TEK: variants seen among roughly 807,000 people sequenced by gnomAD.
TEK encodes TEK receptor tyrosine kinase, also known as angiopoietin-1 receptor.
TEK carries 43 observed loss-of-function variants against 131.8 expected under a neutral mutation model. That is an observed-to-expected ratio of 0.33 (90% CI 0.26 to 0.42). TEK has a LOEUF of 0.42. Among genes scored for constraint, TEK ranks in the 10% least tolerant of loss-of-function variants. The probability of loss-of-function intolerance (pLI) is 1.00; values close to 1 mark genes in which losing one functional copy is unlikely to be tolerated. For missense variants in TEK, 1,162 were observed against 1,384.4 expected (o/e 0.84, Z 2.55); for synonymous variants, 580 against 491.6 (o/e 1.18, Z -2.38).
intron 8 of TEK, among the ~76,000 whole-genome samples, chr9:27,183,816 A>G (rs553367345): frequency 7.2e-5 from 11 of 152,154 alleles, no homozygotes; most frequent in Non-Finnish European, 1.5e-4. Context: ...ACTGCTCTGC[A>G]TGGTTGGGAA....
At chr9:27,225,634 C>A (rs978192629) in intron 21 of TEK, among the ~76,000 whole-genome samples, 1 of 152,164 alleles carries the variant, frequency 6.6e-6, no homozygotes, top group African/African-American at 2.4e-5. Flanking sequence ...CATAAAAACC[C>A]TAGAAGAAAA....
At chr9:27,148,115 G>A (rs1021383718) in intron 1 of TEK, among the ~76,000 whole-genome samples, 14 of 152,210 alleles carry the variant, frequency 9.2e-5, no homozygotes, top group Non-Finnish European at 1.8e-4. Flanking sequence ...ATTAGGGTTA[G>A]CTTTTATATA....
chr9:27,177,054 A>T (rs1018685588), intron 6 of TEK, among the ~76,000 whole-genome samples: 1 of 152,216 alleles, frequency 6.6e-6, no homozygotes, highest in African/African-American at 2.4e-5. Context: ...ATGCCATTAT[A>T]TATGTGTACA....
chr9:27,213,855 G>C (rs1259974691), intron 18 of TEK, among the ~76,000 whole-genome samples: 2 of 152,182 alleles, frequency 1.3e-5, no homozygotes, highest in African/African-American at 2.4e-5. Flanking sequence ...GTGGTTTGGG[G>C]TCTTGGTTCT....
At chr9:27,164,109 G>C (rs1031353988) in intron 2 of TEK, among the ~76,000 whole-genome samples, 1 of 152,124 alleles carries the variant, frequency 6.6e-6, no homozygotes, top group South Asian at 2.1e-4. Context: ...CATCCAGAGC[G>C]AGATTCCTTG....
At chr9:27,166,520 A>T (rs2131137221) in intron 2 of TEK, among the ~76,000 whole-genome samples, 1 of 152,324 alleles carries the variant, frequency 6.6e-6, no homozygotes, top group South Asian at 2.1e-4. Context: ...TGAACATGAC[A>T]CGTGAATAAA....
intron 1 of TEK, among the ~76,000 whole-genome samples, chr9:27,151,434 C>T (rs1216477772): frequency 1.3e-5 from 2 of 152,040 alleles, no homozygotes; most frequent in Non-Finnish European, 1.5e-5. Context: ...ACTAAAAACT[C>T]ATTTTTGAAA....
At chr9:27,203,173 G>T in intron 13 of TEK, 54 bp downstream of exon 13, 3 of 1,597,300 alleles carry the variant, frequency 1.9e-6, no homozygotes, top group Non-Finnish European at 2.6e-6. Context: ...CCTATAGGCA[G>T]CTGGTTTATC....
intron 12 of TEK, 126 bp downstream of exon 12, chr9:27,197,725 T>C (rs1825080456): frequency 3.4e-6 from 4 of 1,166,168 alleles, no homozygotes; most frequent in Non-Finnish European, 5.0e-6. Context: ...AGAAGGCTAA[T>C]TAGTGCCCCC....
chr9:27,129,084 C>T (rs150140264), intron 1 of TEK, among the ~76,000 whole-genome samples: 47 of 152,224 alleles, frequency 3.1e-4, no homozygotes, highest in African/African-American at 1.1e-3. Flanking sequence ...CCAGTTTTTG[C>T]CCCTTCATTA....
chr9:27,192,001 G>A (rs776400609), intron 10 of TEK: 10 of 451,916 alleles, frequency 2.2e-5, no homozygotes, highest in South Asian at 1.3e-4. Context: ...TTTGTTTATG[G>A]GTGCTATTTT....
chr9:27,182,750 T>C (rs1488162354), intron 7 of TEK, among the ~76,000 whole-genome samples: 1 of 152,230 alleles, frequency 6.6e-6, no homozygotes, highest in Non-Finnish European at 1.5e-5. Flanking sequence ...TTATTCATTC[T>C]CTACTGTGTA....
At chr9:27,135,731 C>G (rs1227045804) in intron 1 of TEK, among the ~76,000 whole-genome samples, 1 of 147,834 alleles carries the variant, frequency 6.8e-6, no homozygotes, top group Non-Finnish European at 1.5e-5. Context: ...TGGCTTGAAT[C>G]CCTGGACTCT....
intron 6 of TEK, among the ~76,000 whole-genome samples, chr9:27,179,950 CT>C (rs1824301002): frequency 6.6e-6 from 1 of 152,160 alleles, no homozygotes; most frequent in Non-Finnish European, 1.5e-5. Context: ...CCTCCAGAAT[CT>C]TCCAGGTCTT....
At chr9:27,199,214 A>G (rs1825133113) in intron 12 of TEK, among the ~76,000 whole-genome samples, 1 of 152,206 alleles carries the variant, frequency 6.6e-6, no homozygotes. Context: ...GCTTTGATGC[A>G]TGTAATTTTA....
chr9:27,203,020 C>T lies in TEK; in HGVS notation c.2110C>T (p.Pro704Ser), dbSNP rs749855784. 22 of 1,613,958 alleles carry T rather than the reference C, an allele frequency of 1.4e-5. No homozygotes were observed. In the South Asian group the frequency reaches 2.2e-4, roughly 16 times the overall value. Residue 704 changes from proline to serine, a missense_variant, in exon 13 of 23, where the codon CCT becomes TCT. Physicochemically the swap from Pro to Ser is moderately conservative, Grantham distance 74. This residue lies in a region of TEK where 477 missense variants were observed against 471.0 expected (regional missense o/e 1.01). Coordinates refer to ENST00000380036, the MANE Select transcript of TEK (RefSeq NM_000459.5). The part of the protein sequence containing the change: ...ITQYQLKGLE[P>S]ETAYQVDIFA... The stretch of plus-strand genomic sequence containing the variant: ...TCAGTATCAGCTCAAGGGCCTAGAG[C>T]CTGAAACAGCATACCAGGTGGACAT...
chr9:27,130,775 A>G (rs1822181400), intron 1 of TEK, among the ~76,000 whole-genome samples: 1 of 152,038 alleles, frequency 6.6e-6, no homozygotes, highest in Admixed American at 6.6e-5. Flanking sequence ...TGGGATTTCA[A>G]CATGTTGATC....
chr9:27,166,168 A>T (rs950346806), intron 2 of TEK, among the ~76,000 whole-genome samples: 4 of 152,188 alleles, frequency 2.6e-5, no homozygotes, highest in Admixed American at 6.5e-5. Context: ...ACTTTGGGGG[A>T]CAGGATGTTT....
In TEK at chr9:27,229,549, A is replaced by G; in HGVS notation, c.*317A>G. On this transcript the variant is annotated 3_prime_UTR_variant, in exon 23 of 23. Transcript: ENST00000380036. ...GTACAATTAGTATAATGCATAACTC[A>G]TTGTTGTCCTAGATATTTTGATATT... 2.8e-6 allele frequency: 1 copy of G among 357,040 alleles called. No individual in the cohort carries two copies. Among genetic ancestry groups the G allele is most frequent in the Middle Eastern group, 8.4e-4 (1 of 1,194 alleles). The allele number at this position is 357,040 out of a possible 1,614,324, so 22.1% of individuals were successfully genotyped here.
Sources: allele counts gnomAD v4.1 joint callset (sites outside exome capture counted in the v4.1 genomes callset), GRCh38; gene constraint gnomAD v4.1.1; regional missense constraint gnomAD v4.1.1; transcripts MANE v1.5; gene names NCBI Gene and HGNC (gene_info 2026-07-23, HGNC 2026-07-21).